Variants in ATP2B2 observed in about 807,000 individuals in gnomAD.
ATP2B2 encodes ATPase plasma membrane Ca2+ transporting 2.
ATP2B2 carries 15 observed loss-of-function variants against 120.0 expected under a neutral mutation model. That is an observed-to-expected ratio of 0.12 (90% CI 0.08 to 0.19). ATP2B2 has a LOEUF of 0.19. Among genes scored for constraint, ATP2B2 ranks in the 10% least tolerant of loss-of-function variants. The pLI is 1.00. For synonymous variants in ATP2B2, 694 were observed against 700.3 expected, an observed-to-expected ratio of 0.99 and a Z score of 0.14; for missense variants, 1,045 against 1,719.8, an observed-to-expected ratio of 0.61 and a Z score of 6.94.
intron 2 of ATP2B2, among the ~76,000 whole-genome samples, chr3:10,428,488 C>T (rs547825990): frequency 3.9e-5 from 6 of 152,040 alleles, no homozygotes; most frequent in African/African-American, 9.7e-5. Flanking sequence ...TATGAGGGGA[C>T]GAGGGGAGGC....
intron 2 of ATP2B2, among the ~76,000 whole-genome samples, chr3:10,436,658 G>T (rs1014015024): frequency 1.3e-5 from 2 of 152,304 alleles, no homozygotes; most frequent in Middle Eastern, 3.4e-3. Context: ...ATTGAGCTGG[G>T]TTTTCCAGCC....
chr3:10,570,777 C>T lies in ATP2B2; in HGVS notation c.-414-36644G>A, dbSNP rs528763684. On this transcript the variant is annotated intron_variant, in intron 2 of 21. Transcript: ENST00000646379. Reference sequence around the variant, plus strand: ...GGCGAGAGGCAAAGGCTCCCTGCCCCCTGCAATGAGACCTACTCTCCCCAG... The same window carrying T: ...GGCGAGAGGCAAAGGCTCCCTGCCCTCTGCAATGAGACCTACTCTCCCCAG... 1.4e-3 allele frequency among the ~76,000 whole-genome samples: 217 copies of T among 152,310 alleles called. 2 individuals carry two copies. Among genetic ancestry groups the T allele is most frequent in the Non-Finnish European group, 2.2e-3 (147 of 68,034 alleles).
chr3:10,637,186 A>G (rs2070044374), intron 1 of ATP2B2, among the ~76,000 whole-genome samples: 1 of 152,246 alleles, frequency 6.6e-6, no homozygotes, highest in Non-Finnish European at 1.5e-5. Flanking sequence ...TATCTTAACT[A>G]TGTCCCAGAT....
intron 1 of ATP2B2, among the ~76,000 whole-genome samples, chr3:10,490,885 T>A (rs1288540251): frequency 6.6e-6 from 1 of 152,232 alleles, no homozygotes; most frequent in Non-Finnish European, 1.5e-5. Context: ...CTGTTGATAT[T>A]TAAAAATATC....
chr3:10,572,481 C>T (rs2068150009), intron 2 of ATP2B2, among the ~76,000 whole-genome samples: 1 of 152,150 alleles, frequency 6.6e-6, no homozygotes, highest in South Asian at 2.1e-4. Context: ...GAACCACACA[C>T]TTATAAATGG....
chr3:10,372,060 A>AG lies in ATP2B2; in HGVS notation c.1417-10dup. The AG allele has an allele frequency of 6.2e-7, 1 of 1,614,074 alleles. No homozygotes were observed. Among genetic ancestry groups the AG allele is most frequent in the Non-Finnish European group, 8.5e-7 (1 of 1,179,978 alleles). On this transcript the variant is annotated splice_polypyrimidine_tract_variant and intron_variant, in intron 11 of 22. Transcript: ENST00000360273. ...TTGTCCTTCATCATTTTCTGGGAGA[A>AG]GGGGCAGGTGAGAGGGCAACAGTGA...
intron 1 of ATP2B2, among the ~76,000 whole-genome samples, chr3:10,470,995 G>GGGGCCTGGGGGGCCCTGCGGC (rs1266367989): frequency 6.6e-6 from 1 of 152,204 alleles, no homozygotes; most frequent in Admixed American, 6.5e-5. Context: ...TGGAGAACGG[G>GGGGCCTGGGGGGCCCTGCGGC]GGGCCTGGGG....
At chr3:10,651,759 GGA>G (rs2070471611) in intron 1 of ATP2B2, among the ~76,000 whole-genome samples, 1 of 151,966 alleles carries the variant, frequency 6.6e-6, no homozygotes, top group East Asian at 1.9e-4. Flanking sequence ...ATGGATGGAT[GGA>G]TGGATGGATG....
At chr3:10,462,039 G>A (rs1466911866) in intron 1 of ATP2B2, among the ~76,000 whole-genome samples, 1 of 152,054 alleles carries the variant, frequency 6.6e-6, no homozygotes, top group African/African-American at 2.4e-5. Context: ...GTAACTGTAG[G>A]TTTCCCCATG....
chr3:10,402,806 T>G lies in ATP2B2; in HGVS notation c.398-458A>C, dbSNP rs1425342704. Among the ~76,000 whole-genome samples, 2 of 152,126 alleles carry G rather than the reference T, an allele frequency of 1.3e-5. No homozygotes were observed. The highest frequency in any genetic ancestry group is 3.9e-4 in the East Asian group (2 of 5,186). On this transcript the variant is annotated intron_variant, in intron 3 of 22. Coordinates refer to ENST00000360273, the MANE Select transcript of ATP2B2 (RefSeq NM_001001331.4). This position sits in a 1 kb window ranked among gnomAD's most constrained non-coding sequence, Gnocchi z 4.9. ...CTATTGTCAGAGTTGAAATTTAATG[T>G]GGTAAAGTTCACAGACTCTACAGCA...
chr3:10,328,190 T>C lies in ATP2B2; in HGVS notation c.*624A>G, dbSNP rs1222114299. ...AGTCTCGGAAAAGTATACGTTGATA[T>C]AGATACAAAGAAATGGATATAACCT... On this transcript the variant is annotated 3_prime_UTR_variant, in exon 23 of 23. Transcript: ENST00000360273. 5.9e-5 allele frequency: 9 copies of C among 152,324 alleles called. No individual in the cohort carries two copies. The Admixed American group carries it at 5.9e-4, about 10-fold the overall frequency. The allele number at this position is 152,324 out of a possible 1,614,324, so 9.4% of individuals were successfully genotyped here.
chr3:10,369,976 G>A (rs1262060541), intron 12 of ATP2B2, among the ~76,000 whole-genome samples: 1 of 152,054 alleles, frequency 6.6e-6, no homozygotes, highest in East Asian at 1.9e-4. Flanking sequence ...GGCACAGAGG[G>A]GACTCTGGTG....
At chr3:10,418,298 TG>T (rs1274836405) in intron 2 of ATP2B2, among the ~76,000 whole-genome samples, 2 of 152,174 alleles carry the variant, frequency 1.3e-5, no homozygotes, top group Non-Finnish European at 2.9e-5. Context: ...AAGTGGAACA[TG>T]GTTAATTAAT....
Position 10,324,430 on chromosome 3 carries a change from C to A in ATP2B2, c.*4384G>T, listed in dbSNP as rs755112873. On this transcript the variant is annotated 3_prime_UTR_variant, in exon 23 of 23. Coordinates refer to ENST00000360273, the MANE Select transcript of ATP2B2 (RefSeq NM_001001331.4). ...CCTGGGGCTGGGGACCCTCCTCCCCCACCTGGGTTGGTATGATCTCTACAT... is the reference window on the plus strand; with the variant it reads ...CCTGGGGCTGGGGACCCTCCTCCCCAACCTGGGTTGGTATGATCTCTACAT... 2.6e-5 allele frequency: 4 copies of A among 152,370 alleles called. No homozygotes were observed. The highest frequency in any genetic ancestry group is 1.9e-4 in the East Asian group (1 of 5,192). 9.4% of individuals were successfully genotyped at this position (152,370 alleles called of 1,614,324 possible).
intron 2 of ATP2B2, among the ~76,000 whole-genome samples, chr3:10,582,674 GAAGTGTGCTGGAGGCAGAGGGAACGGT>G: frequency 6.6e-6 from 1 of 152,352 alleles, no homozygotes; most frequent in Non-Finnish European, 1.5e-5. Flanking sequence ...TAAGATCTGG[GAAGTGTGCTGGAGGCAGAGGGAACGGT>G]AAGTGTAGAG....
chr3:10,405,771 C>A (rs748354131), intron 3 of ATP2B2, among the ~76,000 whole-genome samples: 16 of 152,172 alleles, frequency 1.1e-4, no homozygotes, highest in Admixed American at 3.3e-4. Flanking sequence ...GGTGAACCTG[C>A]CTCCCAGATG....
At chr3:10,357,659 C>A (rs897165726) in intron 14 of ATP2B2, among the ~76,000 whole-genome samples, 16 of 152,156 alleles carry the variant, frequency 1.1e-4, no homozygotes, top group African/African-American at 3.4e-4. Context: ...ACAGCCAAGG[C>A]CAATCTGGAC....
chr3:10,623,965 T>G (rs944115967), intron 1 of ATP2B2, among the ~76,000 whole-genome samples: 2 of 152,162 alleles, frequency 1.3e-5, no homozygotes, highest in Non-Finnish European at 2.9e-5. Context: ...GGCCCGAGTT[T>G]CCTTGTCTGT....
At chr3:10,545,341 C>A (rs1477834265) in intron 2 of ATP2B2, among the ~76,000 whole-genome samples, 1 of 152,030 alleles carries the variant, frequency 6.6e-6, no homozygotes, top group Admixed American at 6.6e-5. Context: ...ACCAGCCTGG[C>A]CAACATGGGG....
Sources: gnomAD v4.1 joint callset for allele counts (sites outside exome capture counted in the v4.1 genomes callset) on GRCh38, gnomAD v4.1.1 for gene constraint, Gnocchi (gnomAD v3.1) non-coding constraint, MANE v1.5 for transcripts, NCBI Gene and HGNC (gene_info 2026-07-23, HGNC 2026-07-21) for gene names.